INPP5F: variants seen among roughly 807,000 people sequenced by gnomAD.
INPP5F encodes the protein inositol polyphosphate-5-phosphatase F, also known as phosphatidylinositide 4-phosphatase SAC2.
INPP5F carries 97 observed loss-of-function variants against 137.2 expected under a neutral mutation model. The ratio of observed to expected loss-of-function variants is 0.71; its 90% CI spans 0.60 to 0.84. INPP5F has a LOEUF of 0.84. Among genes scored for constraint, INPP5F ranks in the 40% least tolerant of loss-of-function variants. INPP5F has a pLI of 0.00. For missense variants in INPP5F, 1,271 were observed against 1,371.9 expected, an observed-to-expected ratio of 0.93 and a Z score of 1.16; for synonymous variants, 504 against 476.9, an observed-to-expected ratio of 1.06 and a Z score of -0.74.
intron 11 of INPP5F, 40 bp from the exon 12 acceptor site, chr10:119,806,320 A>C (rs1384709168): frequency 7.2e-7 from 1 of 1,390,468 alleles, no homozygotes; most frequent in Non-Finnish European, 9.7e-7. Flanking sequence ...AAACCCTATT[A>C]TTTTATATTG....
chr10:119,826,615 C>G lies in INPP5F; in HGVS notation c.2250-16C>G, dbSNP rs1318300759. ...ATTCCATGGGGAATTAACTTTTTTT[C>G]TCTTCTAATTTGTAGGAAGAGCAGT... is the stretch of plus-strand genomic sequence containing the variant. On this transcript the variant is annotated splice_polypyrimidine_tract_variant and intron_variant, in intron 19 of 19. Coordinates refer to ENST00000650623, the MANE Select transcript of INPP5F (RefSeq NM_014937.4). 1.3e-6 allele frequency: 2 copies of G among 1,541,684 alleles called. No homozygotes were observed. The highest frequency in any genetic ancestry group is 1.4e-5 in the African/African-American group (1 of 71,730).
intron 1 of INPP5F, among the ~76,000 whole-genome samples, chr10:119,743,571 C>T (rs957967372): frequency 6.8e-6 from 1 of 146,038 alleles, no homozygotes; most frequent in African/African-American, 2.6e-5. Flanking sequence ...GAATGAAGGG[C>T]AGGCAGAAGT....
rs770307046 is a variant in INPP5F, at chr10:119,827,118, A to G, written c.2737A>G (p.Ser913Gly). Residue 913 changes from serine (S) to glycine (G), a missense_variant, in exon 20 of 20, where the codon AGT (serine) becomes GGT (glycine). By Grantham distance (56) the Ser-to-Gly change is moderately conservative. Coordinates refer to ENST00000650623, the MANE Select transcript of INPP5F (RefSeq NM_014937.4). ...GTCCCAGTCTCTTAGCAGCACAGAT[A>G]GTAGCGTTCATGCTCCTTCAGAGAT... ...SRSQSLSSTD[S>G]SVHAPSEITV... 27 of 1,614,060 alleles carry G rather than the reference A, an allele frequency of 1.7e-5. No individual in the cohort carries two copies. The East Asian group carries it at 6.0e-4, about 36-fold the overall frequency.
At chr10:119,796,385 T>G (rs1465714329) in intron 6 of INPP5F, among the ~76,000 whole-genome samples, 1 of 152,224 alleles carries the variant, frequency 6.6e-6, no homozygotes, top group Non-Finnish European at 1.5e-5. Context: ...ATTATCCATT[T>G]AATTTTCACA....
intron 1 of INPP5F, among the ~76,000 whole-genome samples, chr10:119,727,605 C>CT (rs1847930700): frequency 6.6e-6 from 1 of 152,240 alleles, no homozygotes; most frequent in Admixed American, 6.5e-5. Context: ...GGAAGGCCTA[C>CT]TAGTTGCTTT....
intron 2 of INPP5F, among the ~76,000 whole-genome samples, chr10:119,758,509 A>G (rs940806757): frequency 4.6e-5 from 7 of 152,366 alleles, no homozygotes; most frequent in Middle Eastern, 3.4e-3. Flanking sequence ...TTTAGGCTGG[A>G]GATTTAAAAT....
At chr10:119,806,772 C>G (rs1346771896) in intron 12 of INPP5F, among the ~76,000 whole-genome samples, 1 of 151,856 alleles carries the variant, frequency 6.6e-6, no homozygotes, top group Non-Finnish European at 1.5e-5. Flanking sequence ...CCAAGCCCAC[C>G]CTTCTGTGTT....
At chr10:119,810,005 C>A in intron 13 of INPP5F, 95 bp from the exon 14 acceptor site, 1 of 725,440 alleles carries the variant, frequency 1.4e-6, no homozygotes, top group Non-Finnish European at 2.5e-6. Context: ...TTATAAAAGC[C>A]TGTAGAATTC....
chr10:119,825,507 G>A (rs978896833), intron 19 of INPP5F, among the ~76,000 whole-genome samples: 13 of 152,096 alleles, frequency 8.5e-5, no homozygotes, highest in African/African-American at 2.7e-4. Flanking sequence ...CAAGAGAACC[G>A]GTCTGAGAGC....
In INPP5F at chr10:119,810,108, T is replaced by C. The variant is rs1251277727; in HGVS notation, c.1578T>C (p.Phe526=). ...YAGTAALKGD[F]TRTGERKLAG... is the part of the protein sequence containing the mutation. ...CAGTTTTTGTTTGACAGGGTGACTT[T>C]ACAAGGACAGGAGAAAGGAAGTTAG... The change falls in exon 14 of 20, where the codon TTT becomes TTC. Residue 526 remains phenylalanine, a synonymous_variant. Coordinates refer to ENST00000650623, the MANE Select transcript of INPP5F (RefSeq NM_014937.4). 1 of 1,606,320 alleles carries C rather than the reference T, an allele frequency of 6.2e-7. No individual in the cohort carries two copies. Among genetic ancestry groups the C allele is most frequent in the African/African-American group, 1.3e-5 (1 of 74,892 alleles).
At chr10:119,785,640 C>T (rs1168213521) in intron 3 of INPP5F, among the ~76,000 whole-genome samples, 1 of 149,348 alleles carries the variant, frequency 6.7e-6, no homozygotes, top group African/African-American at 2.5e-5. Flanking sequence ...GGGAGGATTG[C>T]TTAAGGCCAG....
At chr10:119,733,864 G>A (rs1848153106) in intron 1 of INPP5F, among the ~76,000 whole-genome samples, 1 of 152,200 alleles carries the variant, frequency 6.6e-6, no homozygotes, top group Non-Finnish European at 1.5e-5. Context: ...GAAAGAGGAT[G>A]AGACTCACTG....
chr10:119,745,229 A>G (rs1238474215), intron 1 of INPP5F, among the ~76,000 whole-genome samples: 1 of 151,902 alleles, frequency 6.6e-6, no homozygotes, highest in Non-Finnish European at 1.5e-5. Flanking sequence ...TATCCTCCAC[A>G]TAGCTTCTTT....
At chr10:119,805,611 G>C in intron 11 of INPP5F, 150 bp downstream of exon 11, 1 of 636,170 alleles carries the variant, frequency 1.6e-6, no homozygotes, top group South Asian at 2.0e-5. Context: ...GAATGTTGCT[G>C]ACCCTTAGGC....
intron 2 of INPP5F, among the ~76,000 whole-genome samples, chr10:119,766,966 G>A (rs756972778): frequency 3.9e-5 from 6 of 151,902 alleles, no homozygotes; most frequent in Admixed American, 3.3e-4. Flanking sequence ...TTAGCCAGGC[G>A]TGGTGATGGG....
chr10:119,735,780 C>G (rs1848198832), intron 1 of INPP5F, among the ~76,000 whole-genome samples: 3 of 152,150 alleles, frequency 2.0e-5, no homozygotes, highest in Non-Finnish European at 4.4e-5. Flanking sequence ...CCCTCATCCC[C>G]CAACATCTAA....
intron 1 of INPP5F, among the ~76,000 whole-genome samples, chr10:119,732,420 T>G (rs965967852): frequency 6.6e-6 from 1 of 152,080 alleles, no homozygotes; most frequent in African/African-American, 2.4e-5. Context: ...TATATTTTGT[T>G]GTCTACATCA....
chr10:119,792,198 T>A lies in INPP5F; in HGVS notation c.654T>A (p.Asp218Glu). ...RFFWNKYMIQ[D>E]LTEIGTPDVD... Reference sequence around the variant, plus strand: ...TTTGGAATAAATACATGATACAAGATCTTACTGAGATTGGTGTGAGTAGTT... The same window carrying A: ...TTTGGAATAAATACATGATACAAGAACTTACTGAGATTGGTGTGAGTAGTT... Residue 218 changes from aspartate to glutamate, a missense_variant, in exon 6 of 20, where the codon GAT (aspartate) becomes GAA (glutamate). Around this residue, in one of 6 missense-constraint regions of INPP5F, gnomAD observed 593 missense variants for 712.4 expected, o/e 0.83. Transcript: ENST00000650623. 2 of 1,612,976 alleles carry A rather than the reference T, an allele frequency of 1.2e-6. No homozygotes were observed. Among genetic ancestry groups the A allele is most frequent in the Non-Finnish European group, 1.7e-6 (2 of 1,178,896 alleles).
chr10:119,758,038 C>G (rs1488188138), intron 2 of INPP5F, among the ~76,000 whole-genome samples: 1 of 152,160 alleles, frequency 6.6e-6, no homozygotes, highest in Non-Finnish European at 1.5e-5. Context: ...ATGGCCTGTA[C>G]TCAGTGCTGG....
Sources: gnomAD v4.1 joint callset for allele counts (sites outside exome capture counted in the v4.1 genomes callset) on GRCh38, gnomAD v4.1.1 for gene constraint, gnomAD v4.1.1 regional missense constraint, MANE v1.5 for transcripts, NCBI Gene and HGNC (gene_info 2026-07-23, HGNC 2026-07-21) for gene names.